Variants in CNTNAP2 observed in about 807,000 individuals in gnomAD.
CNTNAP2 encodes contactin-associated protein-like 2.
A neutral mutation model predicts 155.2 loss-of-function variants in CNTNAP2; 98 were observed. That is an observed-to-expected ratio of 0.63 (90% CI 0.54 to 0.75). The LOEUF is 0.75. CNTNAP2 is among the 30% of genes least tolerant of loss of function. The pLI, the probability that CNTNAP2 is intolerant of heterozygous loss-of-function variation, is 0.00. For missense variants in CNTNAP2, 1,727 were observed against 1,688.1 expected, an observed-to-expected ratio of 1.02 and a Z score of -0.40; for synonymous variants, 651 against 631.2, an observed-to-expected ratio of 1.03 and a Z score of -0.47.
intron 3 of CNTNAP2, among the ~76,000 whole-genome samples, chr7:146,901,860 A>T (rs1455339455): frequency 2.1e-5 from 3 of 144,546 alleles, no homozygotes; most frequent in African/African-American, 7.6e-5. Context: ...TTTTTCTTGC[A>T]TATATGCTCC....
In CNTNAP2 at chr7:147,974,450, C is replaced by A. The variant is rs528787333; in HGVS notation, c.2256-3412C>A. 3.3e-4 allele frequency among the ~76,000 whole-genome samples: 50 copies of A among 152,160 alleles called. No homozygotes were observed. The East Asian group carries it at 8.5e-3, about 26-fold the overall frequency. On this transcript the variant is annotated intron_variant, in intron 14 of 23. Transcript: ENST00000361727. ...CACCAGCCTGGCCAACATGGTAAAA[C>A]CCTGTCTCTACTAAAAATACAAAAA...
At position 147,639,254 on chromosome 7, in the gene CNTNAP2, C is replaced by T. The variant is rs201076428; in HGVS notation, c.2046C>T (p.Cys682=). ...ISAITDSAEY[C]EQYVSYFCKM... ...CCATCACTGACAGTGCCGAGTACTG[C>T]GAGCAGTATGTCTCCTATTTCTGCA... Residue 682 remains cysteine, a synonymous_variant, in exon 13 of 24, where the codon TGC becomes TGT. Coordinates refer to ENST00000361727, the MANE Select transcript of CNTNAP2 (RefSeq NM_014141.6). The T allele has an allele frequency of 2.0e-5, 33 of 1,613,984 alleles. No homozygotes were observed. Among genetic ancestry groups the T allele is most frequent in the Admixed American group, 1.3e-4 (8 of 59,996 alleles).
At chr7:147,907,487 A>G (rs1014309158) in intron 14 of CNTNAP2, among the ~76,000 whole-genome samples, 15 of 152,096 alleles carry the variant, frequency 9.9e-5, no homozygotes, top group African/African-American at 3.4e-4. Context: ...TCCTATGTGG[A>G]TGCTTTAGAT....
intron 15 of CNTNAP2, among the ~76,000 whole-genome samples, chr7:148,052,108 CAGCCT>C (rs1244070462): frequency 7.1e-6 from 1 of 140,210 alleles, no homozygotes; most frequent in African/African-American, 2.7e-5. Flanking sequence ...CACTGCACTC[CAGCCT>C]GGGCGACAGA....
At chr7:147,731,875 G>T (rs1393642013) in intron 13 of CNTNAP2, among the ~76,000 whole-genome samples, 1 of 152,114 alleles carries the variant, frequency 6.6e-6, no homozygotes, top group African/African-American at 2.4e-5. Flanking sequence ...ACTTCGAGGG[G>T]TTCAAGACTC....
chr7:148,189,359 A>G (rs2972099), intron 18 of CNTNAP2, among the ~76,000 whole-genome samples: 36,640 of 152,074 alleles, frequency 0.24, 4,903 homozygotes, highest in African/African-American at 0.36. Context: ...TGGAGGAATA[A>G]CACACTTAGT....
intron 13 of CNTNAP2, among the ~76,000 whole-genome samples, chr7:147,870,556 C>A (rs1341656544): frequency 2.0e-5 from 3 of 152,216 alleles, no homozygotes; most frequent in Non-Finnish European, 4.4e-5. Flanking sequence ...CAGCTGAGAT[C>A]TCAACCCATA....
intron 1 of CNTNAP2, among the ~76,000 whole-genome samples, chr7:146,142,225 A>G (rs1318619772): frequency 1.3e-5 from 2 of 152,200 alleles, no homozygotes; most frequent in African/African-American, 4.8e-5. Context: ...CATATCCTGA[A>G]CAGATGTAGC....
rs182382187 is a variant in CNTNAP2 at position 147,250,611 on chromosome 7, G to T, written c.1349-49530G>T. 7.3e-3 allele frequency among the ~76,000 whole-genome samples: 1,091 copies of T among 148,446 alleles called. 13 individuals are homozygous for T. Among genetic ancestry groups the T allele is most frequent in the Middle Eastern group, 0.024 (7 of 294 alleles). On this transcript the variant is annotated intron_variant, in intron 8 of 23. Coordinates refer to ENST00000361727, the MANE Select transcript of CNTNAP2 (RefSeq NM_014141.6). ...TCAGTCTTAGTACAGTCCCTCTTTCGGGGGAGGGAGAGCTTTGGAGTTTGG... is the reference window on the plus strand; with the variant it reads ...TCAGTCTTAGTACAGTCCCTCTTTCTGGGGAGGGAGAGCTTTGGAGTTTGG...
intron 1 of CNTNAP2, among the ~76,000 whole-genome samples, chr7:146,189,718 C>T (rs1303569556): frequency 2.6e-5 from 4 of 152,094 alleles, no homozygotes; most frequent in South Asian, 2.1e-4. Context: ...TTTGCAGGTG[C>T]GACTGAGTGA....
chr7:146,956,205 A>G (rs911261198), intron 3 of CNTNAP2, among the ~76,000 whole-genome samples: 2 of 152,130 alleles, frequency 1.3e-5, no homozygotes, highest in Non-Finnish European at 1.5e-5. Context: ...AAAAATGAAG[A>G]TGTAAACAAT....
chr7:147,471,158 T>G (rs1261935578), intron 10 of CNTNAP2, among the ~76,000 whole-genome samples: 3 of 152,120 alleles, frequency 2.0e-5, no homozygotes, highest in Non-Finnish European at 4.4e-5. Flanking sequence ...CCTAACCAAG[T>G]GTCCAAACTT....
chr7:147,389,778 C>A (rs559427910), intron 9 of CNTNAP2, among the ~76,000 whole-genome samples: 2 of 152,134 alleles, frequency 1.3e-5, no homozygotes, highest in Admixed American at 6.6e-5. Flanking sequence ...TTGTAGAAAC[C>A]AGTTACAATG....
chr7:148,098,256 A>T (rs144074935), intron 15 of CNTNAP2, among the ~76,000 whole-genome samples: 1,634 of 151,888 alleles, frequency 0.011, 31 homozygotes, highest in African/African-American at 0.037. Context: ...CCATCCTGGC[A>T]AACATGGTGA....
At chr7:148,318,235 A>G (rs1390005435) in intron 21 of CNTNAP2, among the ~76,000 whole-genome samples, 1 of 152,174 alleles carries the variant, frequency 6.6e-6, no homozygotes, top group African/African-American at 2.4e-5. Flanking sequence ...GTTGGCTCAC[A>G]ATCCACATCC....
chr7:147,345,370 A>T (rs1224241969), intron 9 of CNTNAP2, among the ~76,000 whole-genome samples: 1 of 152,216 alleles, frequency 6.6e-6, no homozygotes, highest in Non-Finnish European at 1.5e-5. Flanking sequence ...CTTTGCTGTT[A>T]GTTGATTGAA....
rs1470916234 is a variant in CNTNAP2 at position 147,978,008 on chromosome 7, T to C, written c.2383+19T>C. 6.2e-7 allele frequency: 1 copy of C among 1,613,578 alleles called. No individual in the cohort carries two copies. The highest frequency in any genetic ancestry group is 8.5e-7 in the Non-Finnish European group (1 of 1,179,826). ...GGAGACAGTAAGTTTGCATAGCAGC[T>C]ATGGCTTGCACTTTCTTATCCCATT... On this transcript the variant is annotated intron_variant, in intron 15 of 23. Coordinates refer to ENST00000361727, the MANE Select transcript of CNTNAP2 (RefSeq NM_014141.6).
intron 1 of CNTNAP2, among the ~76,000 whole-genome samples, chr7:146,248,286 C>T (rs1240882736): frequency 6.6e-6 from 1 of 151,800 alleles, no homozygotes; most frequent in African/African-American, 2.4e-5. Context: ...GGTTTCTTGC[C>T]CCCCAGAAAG....
chr7:148,154,731 G>A (rs1380518344), intron 17 of CNTNAP2, among the ~76,000 whole-genome samples: 1 of 152,164 alleles, frequency 6.6e-6, no homozygotes, highest in Non-Finnish European at 1.5e-5. Flanking sequence ...GAGGTCAGGA[G>A]TTCGAGACCA....
Sources: gnomAD v4.1 joint callset for allele counts (sites outside exome capture counted in the v4.1 genomes callset) on GRCh38, gnomAD v4.1.1 for gene constraint, MANE v1.5 for transcripts, NCBI Gene and HGNC (gene_info 2026-07-23, HGNC 2026-07-21) for gene names.